The following ANKH variants were observed in gnomAD, a reference collection of about 807,000 sequenced individuals.
The protein encoded by ANKH is mineralization regulator ANKH.
Under a neutral mutation model 49.0 loss-of-function variants are expected in ANKH, and 15 were observed. That is an observed-to-expected ratio of 0.31 (90% confidence interval 0.20 to 0.47). ANKH has a LOEUF of 0.47. Ranked by LOEUF, ANKH falls within the 20% of genes least tolerant of loss-of-function variation. ANKH has a pLI of 1.00. For missense variants in ANKH, 429 were observed against 652.0 expected, an observed-to-expected ratio of 0.66 and a Z score of 3.72; for synonymous variants, 273 against 260.0, an observed-to-expected ratio of 1.05 and a Z score of -0.48.
intron 2 of ANKH, among the ~76,000 whole-genome samples, chr5:14,759,015 G>C (rs1419721546): frequency 6.6e-6 from 1 of 152,210 alleles, no homozygotes; most frequent in Non-Finnish European, 1.5e-5. Flanking sequence ...CCATCATTTT[G>C]ATACTAGAAA....
chr5:14,813,355 C>T (rs1740942110), intron 1 of ANKH, among the ~76,000 whole-genome samples: 1 of 151,988 alleles, frequency 6.6e-6, no homozygotes, highest in Non-Finnish European at 1.5e-5. Context: ...CATAGATACT[C>T]ACAGGGTATC....
chr5:14,713,619 G>A lies in ANKH; in HGVS notation c.1190C>T (p.Thr397Ile), dbSNP rs369613194. The change falls in exon 10 of 12, where the codon ACC becomes ATC. Residue 397 changes from threonine (T) to isoleucine (I), a missense_variant. By Grantham distance (89) the Thr-to-Ile change is moderately conservative (BLOSUM62 -1). Coordinates refer to ENST00000284268, the MANE Select transcript of ANKH (RefSeq NM_054027.6). This position sits in a 1 kb window ranked among gnomAD's most constrained non-coding sequence, Gnocchi z 4.4. Reference sequence around the variant, plus strand: ...CACAGAGCTGGGGGCAAGGACGAAGGTTTTCTTCAGTGTCATCAGCCACCC... The same window carrying A: ...CACAGAGCTGGGGGCAAGGACGAAGATTTTCTTCAGTGTCATCAGCCACCC... ...LTGWLMTLKKTFVLAPSSVLR... is the reference protein window; with the variant it reads ...LTGWLMTLKKIFVLAPSSVLR... 6.2e-7 allele frequency: 1 copy of A among 1,614,092 alleles called. No individual in the cohort carries two copies. Among genetic ancestry groups the A allele is most frequent in the Non-Finnish European group, 8.5e-7 (1 of 1,180,048 alleles).
chr5:14,838,129 C>T (rs826351), intron 1 of ANKH, among the ~76,000 whole-genome samples: 8 of 151,696 alleles, frequency 5.3e-5, no homozygotes, highest in Non-Finnish European at 1.0e-4. Flanking sequence ...GGGGGAAGGG[C>T]GGAGGGATAG....
chr5:14,853,139 T>A (rs147906981), intron 1 of ANKH, among the ~76,000 whole-genome samples: 252 of 152,334 alleles, frequency 1.7e-3, no homozygotes, highest in African/African-American at 5.8e-3. Context: ...ACAATGCAAT[T>A]AAACCAACAG....
At chr5:14,806,952 T>C (rs936411550) in intron 1 of ANKH, among the ~76,000 whole-genome samples, 3 of 152,182 alleles carry the variant, frequency 2.0e-5, no homozygotes, top group African/African-American at 4.8e-5. Context: ...TCAGAAAATA[T>C]AGTTCTAATT....
intron 1 of ANKH, among the ~76,000 whole-genome samples, chr5:14,782,621 C>G (rs1373987490): frequency 6.6e-6 from 1 of 152,032 alleles, no homozygotes; most frequent in Non-Finnish European, 1.5e-5. Context: ...TTCCAAAGAT[C>G]CTAAAGATTA....
At chr5:14,834,892 C>T (rs1184850346) in intron 1 of ANKH, among the ~76,000 whole-genome samples, 2 of 152,098 alleles carry the variant, frequency 1.3e-5, no homozygotes, top group Admixed American at 6.5e-5. Context: ...TTAGAAGATT[C>T]GTGAATTAAT....
At chr5:14,780,747 T>C (rs1171342761) in intron 1 of ANKH, among the ~76,000 whole-genome samples, 1 of 152,210 alleles carries the variant, frequency 6.6e-6, no homozygotes, top group Non-Finnish European at 1.5e-5. Flanking sequence ...GAAAAAACAA[T>C]GATACCTAAG....
rs377275539 is a variant in ANKH at position 14,730,630 on chromosome 5, G to A, written c.1011+11197C>T. Among the ~76,000 whole-genome samples the A allele has an allele frequency of 5.9e-5, 9 of 152,284 alleles. No homozygotes were observed. In the South Asian group the frequency reaches 6.2e-4, roughly 11 times the overall value. On this transcript the variant is annotated intron_variant, in intron 8 of 11. Transcript: ENST00000284268. ...GTCTCCCTCACCCAGGTCCTGGGAC[G>A]CCCCACGCAGAGTCGACCTTTAAGG...
chr5:14,742,783 A>G (rs1174131428), intron 7 of ANKH, among the ~76,000 whole-genome samples: 1 of 152,216 alleles, frequency 6.6e-6, no homozygotes, highest in East Asian at 1.9e-4. Context: ...TTCAAGCAGG[A>G]CTGCAGGGGG....
At chr5:14,815,304 A>G (rs895577270) in intron 1 of ANKH, among the ~76,000 whole-genome samples, 1 of 152,208 alleles carries the variant, frequency 6.6e-6, no homozygotes, top group Non-Finnish European at 1.5e-5. Flanking sequence ...TGTGGCAATG[A>G]GAGAGATTTC....
At chr5:14,815,929 A>G (rs2126579846) in intron 1 of ANKH, among the ~76,000 whole-genome samples, 1 of 152,308 alleles carries the variant, frequency 6.6e-6, no homozygotes, top group East Asian at 1.9e-4. Context: ...TGGGCAGGTT[A>G]TTGTTGTGAA....
Position 14,711,251 on chromosome 5 carries a change from C to T in ANKH, c.1425G>A (p.Met475Ile). ...TGTCTGTCACCTCCTCTGTCGGAGG[C>T]ATGTCTGTCATGGCAGAGTCTTCCC... is the stretch of plus-strand genomic sequence containing the variant. ...TEGEDSAMTD[M>I]PPTEEVTDIV... Residue 475 changes from methionine (M) to isoleucine (I), a missense_variant, in exon 12 of 12, where the codon ATG becomes ATA. Around this residue, in one of 2 missense-constraint regions of ANKH, gnomAD observed 51 missense variants for 36.7 expected, o/e 1.39. Coordinates refer to ENST00000284268, the MANE Select transcript of ANKH (RefSeq NM_054027.6). The T allele has an allele frequency of 6.2e-7, 1 of 1,614,116 alleles. No homozygotes were observed. The highest frequency in any genetic ancestry group is 8.5e-7 in the Non-Finnish European group (1 of 1,180,012).
chr5:14,786,927 C>T (rs1400785398), intron 1 of ANKH, among the ~76,000 whole-genome samples: 1 of 152,160 alleles, frequency 6.6e-6, no homozygotes, highest in Non-Finnish European at 1.5e-5. Context: ...TGTCCACCAA[C>T]ATAGGAAAGG....
rs1736971162 is a variant in ANKH, at chr5:14,707,147, GCTGTC to G, written c.*4045_*4049del. ...GCAAAGCTGGTACTAACCGGCACAT[GCTGTC>G]CTGGGCACTGTTCTGCTGGGAGTTA... On this transcript the variant is annotated 3_prime_UTR_variant, in exon 12 of 12. Transcript: ENST00000284268. 1 of 152,212 alleles carries G rather than the reference GCTGTC, an allele frequency of 6.6e-6. No homozygotes were observed. The highest frequency in any genetic ancestry group is 1.5e-5 in the Non-Finnish European group (1 of 68,038). 9.4% of individuals were successfully genotyped at this position (152,212 alleles called of 1,614,324 possible). A position where few individuals can be genotyped will look rare whatever the true frequency, so the allele number is the denominator to read the frequency against.
At chr5:14,712,655 T>C (rs1476173345) in intron 11 of ANKH, among the ~76,000 whole-genome samples, 2 of 152,246 alleles carry the variant, frequency 1.3e-5, no homozygotes, top group Non-Finnish European at 2.9e-5. Flanking sequence ...CGCAAAACTC[T>C]TCAAAGGGAC....
intron 2 of ANKH, among the ~76,000 whole-genome samples, chr5:14,761,708 A>G (rs1358792922): frequency 1.3e-5 from 2 of 151,784 alleles, no homozygotes; most frequent in African/African-American, 4.8e-5. Flanking sequence ...ACCGTAAATC[A>G]ATGAGTATTC....
At chr5:14,724,344 T>C (rs1737759570) in intron 8 of ANKH, among the ~76,000 whole-genome samples, 1 of 151,626 alleles carries the variant, frequency 6.6e-6, no homozygotes, top group Non-Finnish European at 1.5e-5. Context: ...CAAAATCACA[T>C]AAAAAACCCC....
In ANKH at chr5:14,713,035, T is replaced by C. The variant is rs1373799365; in HGVS notation, c.1266-62A>G. 2.0e-6 allele frequency: 3 copies of C among 1,494,594 alleles called. No homozygotes were observed. The highest frequency in any genetic ancestry group is 2.8e-6 in the Non-Finnish European group (3 of 1,088,942). The allele number at this position is 1,494,594 out of a possible 1,614,324, so 92.6% of individuals were successfully genotyped here. A position where few individuals can be genotyped will look rare whatever the true frequency, so the allele number is the denominator to read the frequency against. ...GGCCAAGTCAAGGCACAACCGTCGA[T>C]GCCAAAACCCAGGAAAGTAAGTGTA... On this transcript the variant is annotated intron_variant, in intron 10 of 11. Coordinates refer to ENST00000284268, the MANE Select transcript of ANKH (RefSeq NM_054027.6). This position sits in a 1 kb window ranked among gnomAD's most constrained non-coding sequence, Gnocchi z 4.4.
Sources: allele counts gnomAD v4.1 joint callset (sites outside exome capture counted in the v4.1 genomes callset), GRCh38; gene constraint gnomAD v4.1.1; regional missense constraint gnomAD v4.1.1; non-coding constraint Gnocchi (gnomAD v3.1); transcripts MANE v1.5; gene names NCBI Gene and HGNC (gene_info 2026-07-23, HGNC 2026-07-21).